Variants in CDYL observed in about 807,000 individuals in gnomAD.
CDYL encodes chromodomain Y-like protein.
CDYL carries 8 observed loss-of-function variants against 47.3 expected under a neutral mutation model. The observed-to-expected ratio is 0.17, with a 90% CI of 0.10 to 0.31. CDYL has a LOEUF of 0.31. Ranked by LOEUF, CDYL falls within the 10% of genes least tolerant of loss-of-function variation. CDYL has a pLI of 1.00. For synonymous variants in CDYL, 266 were observed against 265.0 expected (o/e 1.00, Z -0.04); for missense variants, 471 against 701.4 (o/e 0.67, Z 3.71).
intron 1 of CDYL, among the ~76,000 whole-genome samples, chr6:4,821,704 C>A (rs1399744573): frequency 3.3e-5 from 5 of 151,210 alleles, no homozygotes; most frequent in African/African-American, 4.9e-5. Context: ...CCACTGTACT[C>A]CAGCCTGGGC....
At chr6:4,799,431 C>T (rs989005884) in intron 1 of CDYL, among the ~76,000 whole-genome samples, 2 of 152,062 alleles carry the variant, frequency 1.3e-5, no homozygotes, top group African/African-American at 4.8e-5. Flanking sequence ...GGTATGGTCA[C>T]ATAGGTCTCC....
chr6:4,731,315 G>T (rs76588176), intron 2 of CDYL, among the ~76,000 whole-genome samples: 1 of 152,240 alleles, frequency 6.6e-6, no homozygotes, highest in African/African-American at 2.4e-5. Context: ...GAGTAGTTAA[G>T]ACATAAATCC....
intron 1 of CDYL, among the ~76,000 whole-genome samples, chr6:4,860,643 T>C (rs1203815284): frequency 6.8e-6 from 1 of 147,738 alleles, no homozygotes; most frequent in Non-Finnish European, 1.5e-5. Context: ...TATTATATAA[T>C]ATATAAATAA....
intron 4 of CDYL, among the ~76,000 whole-genome samples, chr6:4,939,392 C>T (rs988636874): frequency 6.6e-5 from 10 of 152,136 alleles, no homozygotes; most frequent in Admixed American, 3.3e-4. Context: ...CACAGGAGTC[C>T]TGGAACCCAC....
chr6:4,800,676 A>G (rs1051306998), intron 1 of CDYL, among the ~76,000 whole-genome samples: 3 of 152,174 alleles, frequency 2.0e-5, no homozygotes, highest in African/African-American at 7.2e-5. Flanking sequence ...TTTTAAAGGA[A>G]ACTTCTTCTG....
At chr6:4,853,487 C>T (rs1760913324) in intron 1 of CDYL, among the ~76,000 whole-genome samples, 1 of 152,108 alleles carries the variant, frequency 6.6e-6, no homozygotes, top group African/African-American at 2.4e-5. Context: ...CCTTCTCTTC[C>T]TCCTTCTCCT....
intron 1 of CDYL, among the ~76,000 whole-genome samples, chr6:4,809,647 G>T (rs1301439638): frequency 2.0e-5 from 3 of 151,416 alleles, no homozygotes; most frequent in Non-Finnish European, 4.4e-5. Context: ...ATTTTGTATG[G>T]TAGGGGTATT....
At chr6:4,892,863 G>C (rs150572009) in intron 2 of CDYL, among the ~76,000 whole-genome samples, 37 of 152,316 alleles carry the variant, frequency 2.4e-4, no homozygotes, top group African/African-American at 8.4e-4. Flanking sequence ...AGCCGGGCTC[G>C]TTTCTCTGTT....
At chr6:4,912,350 A>G (rs1215814450) in intron 2 of CDYL, among the ~76,000 whole-genome samples, 2 of 152,220 alleles carry the variant, frequency 1.3e-5, no homozygotes, top group East Asian at 1.9e-4. Context: ...TGTGTAGACA[A>G]CCCCAGCTCA....
intron 1 of CDYL, among the ~76,000 whole-genome samples, chr6:4,849,328 A>G (rs2127462588): frequency 1.3e-5 from 2 of 152,350 alleles, no homozygotes; most frequent in South Asian, 4.1e-4. Context: ...GATCATGAAA[A>G]CAGATAGTAC....
intron 3 of CDYL, among the ~76,000 whole-genome samples, chr6:4,765,277 C>T (rs968584070): frequency 5.9e-5 from 9 of 151,612 alleles, no homozygotes; most frequent in Non-Finnish European, 1.0e-4. Flanking sequence ...AAGCTGAGAT[C>T]GCACCACTGT....
chr6:4,841,021 G>T (rs1760473884), intron 1 of CDYL, among the ~76,000 whole-genome samples: 1 of 152,092 alleles, frequency 6.6e-6, no homozygotes, highest in Admixed American at 6.5e-5. Context: ...ATAAAATTCA[G>T]CTGTGAATCC....
At chr6:4,829,400 C>CAAACA (rs1051824264) in intron 1 of CDYL, among the ~76,000 whole-genome samples, 5 of 152,128 alleles carry the variant, frequency 3.3e-5, no homozygotes, top group African/African-American at 4.8e-5. Flanking sequence ...TGGAGCTAAG[C>CAAACA]AAACAAAACA....
intron 1 of CDYL, among the ~76,000 whole-genome samples, chr6:4,796,010 G>A (rs1015358253): frequency 4.0e-5 from 6 of 151,756 alleles, no homozygotes; most frequent in African/African-American, 1.5e-4. Context: ...GTTAGAGTGC[G>A]GTGCAGTGGT....
chr6:4,948,116 G>A (rs543730667), intron 5 of CDYL, among the ~76,000 whole-genome samples: 22 of 152,232 alleles, frequency 1.4e-4, no homozygotes, highest in African/African-American at 3.9e-4. Context: ...ACCCTGTCCC[G>A]GCAGGAAAGA....
chr6:4,873,652 G>A (rs905868999), intron 1 of CDYL, among the ~76,000 whole-genome samples: 1 of 152,150 alleles, frequency 6.6e-6, no homozygotes, highest in Non-Finnish European at 1.5e-5. Context: ...TGGAAAACAT[G>A]ACTGTCAGAA....
chr6:4,921,579 G>T (rs1430280615), intron 2 of CDYL, among the ~76,000 whole-genome samples: 9 of 152,090 alleles, frequency 5.9e-5, no homozygotes, highest in Non-Finnish European at 1.0e-4. Flanking sequence ...TTCCTCGTAG[G>T]TGGGTGAGCT....
chr6:4,900,384 A>T (rs759444639), intron 2 of CDYL, among the ~76,000 whole-genome samples: 4 of 152,118 alleles, frequency 2.6e-5, no homozygotes, highest in Non-Finnish European at 5.9e-5. Context: ...AGATTCACCA[A>T]TTGTTTACAT....
At chr6:4,834,863 C>T (rs1471659694) in intron 1 of CDYL, among the ~76,000 whole-genome samples, 2 of 152,160 alleles carry the variant, frequency 1.3e-5, no homozygotes, top group East Asian at 3.8e-4. Flanking sequence ...CAGTTGATCA[C>T]ATCGGCTCCT....
Sources: allele counts gnomAD v4.1 joint callset (sites outside exome capture counted in the v4.1 genomes callset), GRCh38; gene constraint gnomAD v4.1.1; transcripts MANE v1.5; gene names NCBI Gene and HGNC (gene_info 2026-07-23, HGNC 2026-07-21).